Variants in PALM2AKAP2 observed in about 807,000 individuals in gnomAD.
PALM2AKAP2 encodes the protein PALM2-AKAP2 fusion protein.
PALM2AKAP2 carries 37 observed loss-of-function variants against 71.5 expected under a neutral mutation model. That is an observed-to-expected ratio of 0.52 (90% confidence interval 0.40 to 0.68). The LOEUF (loss-of-function observed/expected upper bound fraction) is 0.68, where lower values mean the gene tolerates loss of function less well. PALM2AKAP2 is among the 30% of genes least tolerant of loss of function. The pLI is 0.00. For synonymous variants in PALM2AKAP2, 468 were observed against 478.8 expected, an observed-to-expected ratio of 0.98 and a Z score of 0.29; for missense variants, 1,224 against 1,191.8, an observed-to-expected ratio of 1.03 and a Z score of -0.40.
At chr9:109,825,033 T>C (rs912372821) in intron 1 of PALM2AKAP2, among the ~76,000 whole-genome samples, 1 of 152,236 alleles carries the variant, frequency 6.6e-6, no homozygotes. Flanking sequence ...GATCAACACG[T>C]AATGTAGCTG....
At chr9:109,892,113 G>A (rs1458914381) in intron 3 of PALM2AKAP2, among the ~76,000 whole-genome samples, 1 of 152,110 alleles carries the variant, frequency 6.6e-6, no homozygotes, top group Non-Finnish European at 1.5e-5. Context: ...ATTTCTACAC[G>A]TTCGTGGCTT....
intron 3 of PALM2AKAP2, among the ~76,000 whole-genome samples, chr9:110,166,509 GA>G (rs2119282504): frequency 6.6e-6 from 1 of 152,322 alleles, no homozygotes; most frequent in African/African-American, 2.4e-5. Context: ...TAGACTATTA[GA>G]AAATTTCTCT....
At chr9:109,679,747 A>T (rs746682841) in intron 1 of PALM2AKAP2, among the ~76,000 whole-genome samples, 3 of 152,098 alleles carry the variant, frequency 2.0e-5, no homozygotes, top group Non-Finnish European at 2.9e-5. Context: ...AAAACAAAAA[A>T]ACCAAAACTC....
intron 1 of PALM2AKAP2, among the ~76,000 whole-genome samples, chr9:109,642,635 G>A (rs989939784): frequency 6.6e-6 from 1 of 151,514 alleles, no homozygotes; most frequent in Non-Finnish European, 1.5e-5. Flanking sequence ...ATGGCTCACT[G>A]CAGTATTGAC....
At chr9:109,750,794 C>G (rs1172137486) in intron 1 of PALM2AKAP2, among the ~76,000 whole-genome samples, 1 of 152,100 alleles carries the variant, frequency 6.6e-6, no homozygotes, top group Admixed American at 6.6e-5. Context: ...CAACTTAAGA[C>G]ATTCTTTTGT....
intron 1 of PALM2AKAP2, among the ~76,000 whole-genome samples, chr9:109,780,905 G>A (rs540742003): frequency 2.7e-4 from 41 of 152,274 alleles, no homozygotes; most frequent in African/African-American, 9.4e-4. Context: ...TGACCTGAAC[G>A]GTGGCTGCCA....
intron 3 of PALM2AKAP2, among the ~76,000 whole-genome samples, chr9:109,921,334 C>A (rs1292319335): frequency 6.6e-6 from 1 of 152,146 alleles, no homozygotes; most frequent in Non-Finnish European, 1.5e-5. Context: ...CCAGAAAATT[C>A]TTTGCTGTAG....
intron 1 of PALM2AKAP2, among the ~76,000 whole-genome samples, chr9:109,783,240 G>A (rs918789791): frequency 4.6e-5 from 7 of 152,138 alleles, no homozygotes; most frequent in Non-Finnish European, 1.0e-4. Flanking sequence ...GTTGAGCAGA[G>A]CCCTTAGCTT....
At chr9:110,130,956 A>G (rs10980215) in intron 1 of PALM2AKAP2, among the ~76,000 whole-genome samples, 17,604 of 152,260 alleles carry the variant, frequency 0.12, 1,721 homozygotes, top group East Asian at 0.44. Flanking sequence ...CACCTTAATT[A>G]TGCCAATTAG....
At chr9:109,805,572 C>T (rs1827550015) in intron 1 of PALM2AKAP2, among the ~76,000 whole-genome samples, 1 of 152,114 alleles carries the variant, frequency 6.6e-6, no homozygotes, top group Non-Finnish European at 1.5e-5. Flanking sequence ...AAGTCCAAAA[C>T]CTGTGGCTAT....
chr9:109,841,283 G>A lies in PALM2AKAP2; in HGVS notation c.46-26208G>A, dbSNP rs996469292. Among the ~76,000 whole-genome samples, 28 of 147,880 alleles carry A rather than the reference G, an allele frequency of 1.9e-4. No individual in the cohort carries two copies. In the South Asian group the frequency reaches 2.2e-3, roughly 11 times the overall value. ...TCGCAGGGACAAAAAACCAAACACC[G>A]CATGTTCTCACTCATAGGTGGGAAT... On this transcript the variant is annotated intron_variant, in intron 1 of 9. Coordinates refer to the PALM2AKAP2 transcript ENST00000302798.
chr9:109,676,119 C>T (rs10979994), intron 1 of PALM2AKAP2, among the ~76,000 whole-genome samples: 14,185 of 152,154 alleles, frequency 0.093, 746 homozygotes, highest in East Asian at 0.24. Context: ...TAACCATGCT[C>T]TGCTTCAGGA....
chr9:109,940,905 T>C (rs1338581007), intron 6 of PALM2AKAP2, among the ~76,000 whole-genome samples: 2 of 152,202 alleles, frequency 1.3e-5, no homozygotes, highest in Admixed American at 6.5e-5. Flanking sequence ...GGTTTATGAC[T>C]CAAGTAACTG....
chr9:110,063,287 T>C (rs1046681323), intron 1 of PALM2AKAP2, among the ~76,000 whole-genome samples: 1 of 152,190 alleles, frequency 6.6e-6, no homozygotes, highest in Non-Finnish European at 1.5e-5. Flanking sequence ...TGACAGAGGC[T>C]AGAAGACCAA....
intron 1 of PALM2AKAP2, among the ~76,000 whole-genome samples, chr9:109,724,776 C>T (rs1214749283): frequency 6.6e-6 from 1 of 152,086 alleles, no homozygotes; most frequent in East Asian, 1.9e-4. Context: ...TGAGTGACAT[C>T]CAGGCTGTCT....
intron 6 of PALM2AKAP2, among the ~76,000 whole-genome samples, chr9:110,012,023 G>A (rs956356972): frequency 1.3e-4 from 20 of 152,206 alleles, no homozygotes; most frequent in Non-Finnish European, 2.2e-4. Flanking sequence ...GGCTGGGCAC[G>A]GTGGCTTATG....
intron 3 of PALM2AKAP2, among the ~76,000 whole-genome samples, chr9:109,905,135 G>A (rs1424948783): frequency 6.6e-6 from 1 of 152,158 alleles, no homozygotes; most frequent in South Asian, 2.1e-4. Flanking sequence ...TAGAATTAGG[G>A]CTGTTAAGTC....
intron 3 of PALM2AKAP2, among the ~76,000 whole-genome samples, chr9:109,919,256 C>T (rs963070554): frequency 6.6e-6 from 1 of 152,196 alleles, no homozygotes; most frequent in African/African-American, 2.4e-5. Flanking sequence ...TCACTAGACA[C>T]ATGGGAAGCT....
intron 6 of PALM2AKAP2, among the ~76,000 whole-genome samples, chr9:109,942,203 C>T (rs1006799749): frequency 2.0e-5 from 3 of 152,224 alleles, no homozygotes; most frequent in African/African-American, 7.2e-5. Context: ...GGAGGATAGC[C>T]ATGACCCACC....
Sources: allele counts gnomAD v4.1 joint callset (sites outside exome capture counted in the v4.1 genomes callset), GRCh38; gene constraint gnomAD v4.1.1; transcripts MANE v1.5; gene names NCBI Gene and HGNC (gene_info 2026-07-23, HGNC 2026-07-21).